The following NRSN1 variants were observed in gnomAD, a reference collection of about 807,000 sequenced individuals.
NRSN1 encodes neurensin 1, also known as neurensin-1.
Under a neutral mutation model 17.3 loss-of-function variants are expected in NRSN1, and 14 were observed. That is an observed-to-expected ratio of 0.81 (90% CI 0.54 to 1.27). The LOEUF is 1.27. Among genes scored for constraint, NRSN1 ranks in the 50% most tolerant of loss-of-function variants. The pLI is 0.00. For synonymous variants in NRSN1, 79 were observed against 94.2 expected, an observed-to-expected ratio of 0.84 and a Z score of 0.93; for missense variants, 209 against 235.9, an observed-to-expected ratio of 0.89 and a Z score of 0.75.
chr6:24,138,450 T>C (rs928115944), intron 3 of NRSN1, among the ~76,000 whole-genome samples: 2 of 152,204 alleles, frequency 1.3e-5, no homozygotes, highest in Non-Finnish European at 2.9e-5. Context: ...CAGCGTCATA[T>C]GTAGGTGTCA....
Position 24,134,960 on chromosome 6 carries a change from T to C in NRSN1, c.189+444T>C, listed in dbSNP as rs189502841. Among the ~76,000 whole-genome samples the C allele has an allele frequency of 1.1e-4, 17 of 152,320 alleles. No individual in the cohort carries two copies. In the East Asian group the frequency reaches 3.3e-3, roughly 29 times the overall value. ...GTAGTACAGTGGTCAGTATACCAGC[T>C]CCGTCTCTACCGAGTGTGTGATCAT... On this transcript the variant is annotated intron_variant, in intron 3 of 3. Coordinates refer to ENST00000378491, the MANE Select transcript of NRSN1 (RefSeq NM_080723.5).
In NRSN1 at chr6:24,127,503, C is replaced by A. The variant is rs373012747; in HGVS notation, c.-82-625C>A. ...TAACTAGAGTAATGTAGGAAACCAA[C>A]AGCCTTATAGTTGGCAATGGCTTTT... On this transcript the variant is annotated intron_variant, in intron 1 of 3. Coordinates refer to ENST00000378491, the MANE Select transcript of NRSN1 (RefSeq NM_080723.5). 4.6e-5 allele frequency among the ~76,000 whole-genome samples: 7 copies of A among 152,322 alleles called. No individual in the cohort carries two copies. In the South Asian group the frequency reaches 1.4e-3, roughly 32 times the overall value.
chr6:24,144,801 C>T (rs755173599), intron 3 of NRSN1, among the ~76,000 whole-genome samples: 1 of 151,858 alleles, frequency 6.6e-6, no homozygotes, highest in Middle Eastern at 3.4e-3. Flanking sequence ...TGAGATGGTG[C>T]CTGGCAGAAC....
intron 3 of NRSN1, among the ~76,000 whole-genome samples, chr6:24,142,762 C>T (rs1312968398): frequency 1.3e-5 from 2 of 152,146 alleles, no homozygotes; most frequent in African/African-American, 4.8e-5. Flanking sequence ...GTGAGTGTTA[C>T]AACTCATAAA....
At position 24,146,582 on chromosome 6, in the gene NRSN1, C is replaced by T. The variant is rs1343511220; in HGVS notation, c.*636C>T. Reference sequence around the variant, plus strand: ...TTGGAGTACAGCGGTGAAATCATAGCGCACTGCAGCCTTGAACTCCTGGGC... The same window carrying T: ...TTGGAGTACAGCGGTGAAATCATAGTGCACTGCAGCCTTGAACTCCTGGGC... On this transcript the variant is annotated 3_prime_UTR_variant, in exon 4 of 4. Transcript: ENST00000378491. 1.9e-5 allele frequency: 5 copies of T among 258,386 alleles called. No homozygotes were observed. The highest frequency in any genetic ancestry group is 4.0e-5 in the South Asian group (1 of 25,068). The allele number at this position is 258,386 out of a possible 1,614,324, so 16.0% of individuals were successfully genotyped here.
At chr6:24,140,741 G>A (rs1244678188) in intron 3 of NRSN1, among the ~76,000 whole-genome samples, 4 of 152,136 alleles carry the variant, frequency 2.6e-5, no homozygotes, top group East Asian at 1.9e-4. Context: ...GAACAGCTGC[G>A]CCGCGACTGC....
Position 24,141,131 on chromosome 6 carries a change from C to T in NRSN1, c.190-4417C>T, listed in dbSNP as rs1276712009. On this transcript the variant is annotated intron_variant, in intron 3 of 3. Coordinates refer to ENST00000378491, the MANE Select transcript of NRSN1 (RefSeq NM_080723.5). ...ACCCTTCCAAAGCATTCCAACTCTT[C>T]TGTGTGGCCCTAAACGAGGCTGCTT... 12 of 1,295,044 alleles carry T rather than the reference C, an allele frequency of 9.3e-6. No individual in the cohort carries two copies. In the South Asian group the frequency reaches 3.5e-4, roughly 38 times the overall value. The allele number at this position is 1,295,044 out of a possible 1,614,324, so 80.2% of individuals were successfully genotyped here. A position where few individuals can be genotyped will look rare whatever the true frequency, so the allele number is the denominator to read the frequency against.
chr6:24,144,694 G>A (rs1207608070), intron 3 of NRSN1, among the ~76,000 whole-genome samples: 2 of 152,104 alleles, frequency 1.3e-5, no homozygotes, highest in African/African-American at 4.8e-5. Flanking sequence ...GTTTTTACAA[G>A]GACCTTGTTT....
In NRSN1 at chr6:24,134,606, A is replaced by G. The variant is rs1424866838; in HGVS notation, c.189+90A>G. The G allele has an allele frequency of 1.8e-5, 19 of 1,032,916 alleles. No individual in the cohort carries two copies. The Middle Eastern group carries it at 3.2e-3, about 173-fold the overall frequency. 64.0% of individuals were successfully genotyped at this position (1,032,916 alleles called of 1,614,324 possible). A position where few individuals can be genotyped will look rare whatever the true frequency, so the allele number is the denominator to read the frequency against. ...GCTGTGGAGGATGGAGAGGTTTAGTACTCGCTGTGTGTGCATCACTCTTGG... is the reference window on the plus strand; with the variant it reads ...GCTGTGGAGGATGGAGAGGTTTAGTGCTCGCTGTGTGTGCATCACTCTTGG... On this transcript the variant is annotated intron_variant, in intron 3 of 3. Coordinates refer to ENST00000378491, the MANE Select transcript of NRSN1 (RefSeq NM_080723.5).
At chr6:24,140,294 A>C (rs1464956945) in intron 3 of NRSN1, among the ~76,000 whole-genome samples, 1 of 152,176 alleles carries the variant, frequency 6.6e-6, no homozygotes. Flanking sequence ...AGATGGAGGC[A>C]GTTGAATGTG....
At chr6:24,134,255 A>G (rs1760083829) in intron 2 of NRSN1, 64 bp from the exon 3 acceptor site, 2 of 1,317,448 alleles carry the variant, frequency 1.5e-6, no homozygotes, top group Admixed American at 3.8e-5. Context: ...CTTACCTTTC[A>G]TATGTCTTTT....
In NRSN1 at chr6:24,146,830, A is replaced by C. The variant is rs1760315385; in HGVS notation, c.*884A>C. 6.6e-6 allele frequency: 1 copy of C among 152,442 alleles called. No homozygotes were observed. The highest frequency in any genetic ancestry group is 1.5e-5 in the Non-Finnish European group (1 of 68,226). 9.4% of individuals were successfully genotyped at this position (152,442 alleles called of 1,614,324 possible). ...AAAAGTACTGAATTAGAAACCAGGA[A>C]GTTTTAGTTCCTTCTACTACCTGTG... On this transcript the variant is annotated 3_prime_UTR_variant, in exon 4 of 4. Transcript: ENST00000378491.
Position 24,145,416 on chromosome 6 carries a change from T to C in NRSN1, c.190-132T>C, listed in dbSNP as rs980415438. The stretch of plus-strand genomic sequence containing the variant: ...TTCAACAGAAAATTAAGTAAGTGTT[T>C]CCTGCAAATTTGGGGTAACTGGGAA... On this transcript the variant is annotated intron_variant, in intron 3 of 3. Transcript: ENST00000378491. This position sits in a 1 kb window ranked among gnomAD's most constrained non-coding sequence, Gnocchi z 4.4. The C allele has an allele frequency of 3.2e-6, 2 of 624,428 alleles. No homozygotes were observed. Among genetic ancestry groups the C allele is most frequent in the African/African-American group, 3.7e-5 (2 of 53,360 alleles). 38.7% of individuals were successfully genotyped at this position (624,428 alleles called of 1,614,324 possible). A position where few individuals can be genotyped will look rare whatever the true frequency, so the allele number is the denominator to read the frequency against.
intron 3 of NRSN1, among the ~76,000 whole-genome samples, chr6:24,139,159 T>G (rs181771030): frequency 6.2e-4 from 95 of 152,356 alleles, no homozygotes; most frequent in African/African-American, 2.2e-3. Flanking sequence ...CTCTATGATT[T>G]CAACTTTATT....
chr6:24,141,368 TC>T, intron 3 of NRSN1: 1 of 628,662 alleles, frequency 1.6e-6, no homozygotes, highest in Non-Finnish European at 2.2e-6. Flanking sequence ...CCAACTGCTC[TC>T]CTCACCTCCC....
rs1760298046 is a variant in NRSN1 at position 24,146,005 on chromosome 6, C to T, written c.*59C>T. On this transcript the variant is annotated 3_prime_UTR_variant, in exon 4 of 4. Coordinates refer to ENST00000378491, the MANE Select transcript of NRSN1 (RefSeq NM_080723.5). ...TATGCCCGTGGTTAAAAAGAGCAGG[C>T]CAGTTTTCGAGATAAAGAAGATTTG... 9.2e-6 allele frequency: 14 copies of T among 1,523,916 alleles called. No homozygotes were observed. In the South Asian group the frequency reaches 1.6e-4, roughly 17 times the overall value. The allele number at this position is 1,523,916 out of a possible 1,614,324, so 94.4% of individuals were successfully genotyped here.
At chr6:24,132,375 T>G (rs953831477) in intron 2 of NRSN1, among the ~76,000 whole-genome samples, 1 of 152,232 alleles carries the variant, frequency 6.6e-6, no homozygotes, top group African/African-American at 2.4e-5. Flanking sequence ...TAGATAAACA[T>G]TACTAGCTGG....
In NRSN1 at chr6:24,134,437, G is replaced by C. The variant is rs1402447081; in HGVS notation, c.110G>C (p.Cys37Ser). 1.9e-6 allele frequency: 3 copies of C among 1,613,988 alleles called. No homozygotes were observed. The East Asian group carries it at 6.7e-5, about 36-fold the overall frequency. ...TACCTGCACCAGTTTTATGAGGACT[G>C]TACAGCCTCAATTTGGGAGTATGAG... The part of the protein sequence containing the change: ...RSYLHQFYED[C>S]TASIWEYEDD... The change falls in exon 3 of 4, where the codon TGT becomes TCT. Residue 37 changes from cysteine to serine, a missense_variant. Coordinates refer to ENST00000378491, the MANE Select transcript of NRSN1 (RefSeq NM_080723.5).
Position 24,145,963 on chromosome 6 carries a change from G to A in NRSN1, c.*17G>A. ...GCAACCTGAAACCTTTCCCACCCCA[G>A]TTCTTCTTGTCTGATTTATGCCCGT... is the stretch of plus-strand genomic sequence containing the variant. On this transcript the variant is annotated 3_prime_UTR_variant, in exon 4 of 4. Coordinates refer to ENST00000378491, the MANE Select transcript of NRSN1 (RefSeq NM_080723.5). This position sits in a 1 kb window ranked among gnomAD's most constrained non-coding sequence, Gnocchi z 4.4. 6.3e-7 allele frequency: 1 copy of A among 1,587,586 alleles called. No individual in the cohort carries two copies. Among genetic ancestry groups the A allele is most frequent in the Non-Finnish European group, 8.6e-7 (1 of 1,169,372 alleles).
Sources: allele counts gnomAD v4.1 joint callset (sites outside exome capture counted in the v4.1 genomes callset), GRCh38; gene constraint gnomAD v4.1.1; non-coding constraint Gnocchi (gnomAD v3.1); transcripts MANE v1.5; gene names NCBI Gene and HGNC (gene_info 2026-07-23, HGNC 2026-07-21).